Variants in PDE7B observed in about 807,000 individuals in gnomAD.
PDE7B encodes the protein phosphodiesterase 7B.
A neutral mutation model predicts 56.2 loss-of-function variants in PDE7B; 29 were observed. The ratio of observed to expected loss-of-function variants is 0.52; its 90% CI spans 0.38 to 0.70. The LOEUF (loss-of-function observed/expected upper bound fraction) is 0.70. Among genes scored for constraint, PDE7B ranks in the 30% least tolerant of loss-of-function variants. The probability of loss-of-function intolerance (pLI) is 0.00; values close to 1 mark genes in which losing one functional copy is unlikely to be tolerated. For synonymous variants in PDE7B, 197 were observed against 196.9 expected (o/e 1.00, Z 0.00); for missense variants, 490 against 565.0 (o/e 0.87, Z 1.35).
intron 2 of PDE7B, among the ~76,000 whole-genome samples, chr6:136,078,180 G>A (rs7739258): frequency 0.031 from 4,745 of 152,302 alleles, 234 homozygotes; most frequent in African/African-American, 0.11. Context: ...CTACAAGGAA[G>A]ATAGGGCTTT....
At chr6:136,172,260 TA>T (rs1778899977) in intron 8 of PDE7B, among the ~76,000 whole-genome samples, 1 of 152,164 alleles carries the variant, frequency 6.6e-6, no homozygotes, top group Non-Finnish European at 1.5e-5. Context: ...ACCAACAGTG[TA>T]AAAGTGTTCC....
chr6:135,876,996 A>C (rs1775507612), intron 1 of PDE7B, among the ~76,000 whole-genome samples: 1 of 152,156 alleles, frequency 6.6e-6, no homozygotes, highest in African/African-American at 2.4e-5. Flanking sequence ...AACTGGGTCT[A>C]AAATACTTTT....
intron 2 of PDE7B, among the ~76,000 whole-genome samples, chr6:136,003,821 A>G (rs1247833187): frequency 1.3e-5 from 2 of 152,224 alleles, no homozygotes; most frequent in Non-Finnish European, 2.9e-5. Context: ...CAATCAATAG[A>G]AAAAGAGGGA....
In PDE7B at chr6:136,169,304, A is replaced by G. The variant is rs573402580; in HGVS notation, c.712-4493A>G. On this transcript the variant is annotated intron_variant, in intron 8 of 12. Transcript: ENST00000308191. ...GCGGTTCTGGCCAAAACATGCTTTC[A>G]TGCATAATGACTCTTCCACAAAGGC... Among the ~76,000 whole-genome samples, 4 of 152,240 alleles carry G rather than the reference A, an allele frequency of 2.6e-5. No homozygotes were observed. The South Asian group carries it at 6.2e-4, about 24-fold the overall frequency.
At chr6:136,074,279 G>T (rs1175024259) in intron 2 of PDE7B, among the ~76,000 whole-genome samples, 1 of 151,320 alleles carries the variant, frequency 6.6e-6, no homozygotes. Flanking sequence ...GTTGTTTAAG[G>T]GTTTTTTAAT....
intron 2 of PDE7B, among the ~76,000 whole-genome samples, chr6:135,986,594 G>A (rs1240065559): frequency 6.6e-6 from 1 of 152,172 alleles, no homozygotes; most frequent in African/African-American, 2.4e-5. Flanking sequence ...TTCACATTTC[G>A]ATTCTAAATC....
At chr6:136,142,594 T>C (rs1224476748) in intron 3 of PDE7B, among the ~76,000 whole-genome samples, 1 of 152,164 alleles carries the variant, frequency 6.6e-6, no homozygotes, top group Non-Finnish European at 1.5e-5. Flanking sequence ...CTAAGTCTCT[T>C]TGTAGGTCAC....
At chr6:136,078,992 G>A (rs1381468970) in intron 2 of PDE7B, among the ~76,000 whole-genome samples, 1 of 152,056 alleles carries the variant, frequency 6.6e-6, no homozygotes, top group East Asian at 1.9e-4. Context: ...TAAAATTGGG[G>A]TTATACCCCT....
intron 1 of PDE7B, among the ~76,000 whole-genome samples, chr6:135,871,262 T>C (rs995539129): frequency 6.6e-6 from 1 of 152,210 alleles, no homozygotes; most frequent in Non-Finnish European, 1.5e-5. Context: ...ATTTACAAAG[T>C]TGATTAGAAC....
intron 1 of PDE7B, among the ~76,000 whole-genome samples, chr6:135,857,420 A>T (rs1424619613): frequency 1.3e-5 from 2 of 152,300 alleles, no homozygotes; most frequent in Admixed American, 6.5e-5. Flanking sequence ...AAGTTTATAC[A>T]TGACTTAAAT....
At chr6:136,045,808 A>G (rs1296365434) in intron 2 of PDE7B, among the ~76,000 whole-genome samples, 1 of 151,954 alleles carries the variant, frequency 6.6e-6, no homozygotes, top group African/African-American at 2.4e-5. Flanking sequence ...TCACAGCTAG[A>G]GCTATGATGG....
At chr6:135,861,845 C>A (rs1447330261) in intron 1 of PDE7B, among the ~76,000 whole-genome samples, 1 of 151,754 alleles carries the variant, frequency 6.6e-6, no homozygotes, top group African/African-American at 2.4e-5. Context: ...ATATTCCTTG[C>A]TAGACATATT....
intron 1 of PDE7B, among the ~76,000 whole-genome samples, chr6:135,860,646 CTTCTTGAGAGAA>C (rs1775128110): frequency 1.3e-5 from 2 of 151,922 alleles, no homozygotes; most frequent in Admixed American, 6.6e-5. Context: ...CTAATATCTG[CTTCTTGAGAGAA>C]TTCTTGAGAG....
chr6:136,139,072 A>C (rs1038871629), intron 3 of PDE7B, among the ~76,000 whole-genome samples: 22 of 151,854 alleles, frequency 1.4e-4, no homozygotes, highest in African/African-American at 5.3e-4. Context: ...GCACCCATTA[A>C]CTCATCATTT....
At chr6:135,922,283 T>A (rs1419634573) in intron 1 of PDE7B, among the ~76,000 whole-genome samples, 1 of 152,176 alleles carries the variant, frequency 6.6e-6, no homozygotes, top group African/African-American at 2.4e-5. Flanking sequence ...TCAAATGGCA[T>A]GGGAACCAGG....
chr6:135,974,369 C>G (rs556681474), intron 2 of PDE7B, among the ~76,000 whole-genome samples: 21 of 152,118 alleles, frequency 1.4e-4, no homozygotes, highest in African/African-American at 3.9e-4. Context: ...TCAATCCTCT[C>G]TACAAAATAC....
At chr6:135,893,327 T>G (rs1562428150) in intron 1 of PDE7B, among the ~76,000 whole-genome samples, 1 of 151,434 alleles carries the variant, frequency 6.6e-6, no homozygotes, top group Non-Finnish European at 1.5e-5. Flanking sequence ...TGTTTGTTTT[T>G]TGTTCCTTGA....
At chr6:135,852,155 G>C in intron 1 of PDE7B, 136 bp downstream of exon 1, 1 of 689,530 alleles carries the variant, frequency 1.5e-6, no homozygotes, top group Non-Finnish European at 2.6e-6. Flanking sequence ...ACAGCAACCA[G>C]CTTTTGAATT....
rs761798885 is a variant in PDE7B, at chr6:136,178,960, TTGTG to T, written c.804-31_804-28del. Reference sequence around the variant, plus strand: ...ATCACCCTCATCAAAGGGATTTGCTTTGTGTGTGTTTTTCTCTTTCATTCTTGTG... The same window carrying T: ...ATCACCCTCATCAAAGGGATTTGCTTTGTGTTTTTCTCTTTCATTCTTGTG... On this transcript the variant is annotated intron_variant, in intron 9 of 12. Transcript: ENST00000308191. 39 of 1,611,222 alleles carry T rather than the reference TTGTG, an allele frequency of 2.4e-5. No individual in the cohort carries two copies. In the South Asian group the frequency reaches 4.2e-4, roughly 17 times the overall value.
Sources: gnomAD v4.1 joint callset for allele counts (sites outside exome capture counted in the v4.1 genomes callset) on GRCh38, gnomAD v4.1.1 for gene constraint, MANE v1.5 for transcripts, NCBI Gene and HGNC (gene_info 2026-07-23, HGNC 2026-07-21) for gene names.